The following HPSE2 variants were observed in gnomAD, a reference collection of about 807,000 sequenced individuals.
HPSE2 encodes inactive heparanase-2.
HPSE2 carries 38 observed loss-of-function variants against 60.5 expected under a neutral mutation model. The ratio of observed to expected loss-of-function variants is 0.63; its 90% confidence interval spans 0.48 to 0.82. The LOEUF is 0.82. HPSE2 is among the 40% of genes least tolerant of loss of function. The pLI is 0.00. For missense variants in HPSE2, 713 were observed against 740.4 expected (o/e 0.96, Z 0.43); for synonymous variants, 295 against 293.2 (o/e 1.01, Z -0.06).
At chr10:98,698,785 G>C (rs1179927621) in intron 5 of HPSE2, among the ~76,000 whole-genome samples, 2 of 152,246 alleles carry the variant, frequency 1.3e-5, no homozygotes, top group South Asian at 4.1e-4. Context: ...TCAAATAGAT[G>C]CAATAAAAAA....
At chr10:98,520,432 T>C (rs1021635697) in intron 9 of HPSE2, among the ~76,000 whole-genome samples, 2 of 152,006 alleles carry the variant, frequency 1.3e-5, no homozygotes, top group Admixed American at 1.3e-4. Flanking sequence ...CAAGAAATGG[T>C]CCCAAGTAAC....
intron 6 of HPSE2, among the ~76,000 whole-genome samples, chr10:98,689,166 T>TA (rs962589609): frequency 1.5e-4 from 23 of 151,164 alleles, no homozygotes; most frequent in Non-Finnish European, 2.7e-4. Flanking sequence ...AGCTTTGATT[T>TA]AAAAAAAAAA....
intron 6 of HPSE2, among the ~76,000 whole-genome samples, chr10:98,652,400 A>C (rs528556): frequency 1.3e-5 from 2 of 152,010 alleles, no homozygotes; most frequent in Admixed American, 1.3e-4. Flanking sequence ...TTCAACAACC[A>C]GTCCCACATA....
In HPSE2 at chr10:98,579,833, T is replaced by G. The variant is rs141708529; in HGVS notation, c.1320+35071A>C. Among the ~76,000 whole-genome samples the G allele has an allele frequency of 5.4e-3, 816 of 152,290 alleles. 7 individuals carry two copies. Among genetic ancestry groups the G allele is most frequent in the African/African-American group, 0.019 (773 of 41,550 alleles). On this transcript the variant is annotated intron_variant, in intron 9 of 11. Coordinates refer to ENST00000370552, the MANE Select transcript of HPSE2 (RefSeq NM_021828.5). Reference sequence around the variant, plus strand: ...TTCTTGAACTCCCATGCCTTTATCATGTTCTCAGTTTTTCCCCAAATCTCT... The same window carrying G: ...TTCTTGAACTCCCATGCCTTTATCAGGTTCTCAGTTTTTCCCCAAATCTCT...
chr10:98,522,768 G>A (rs1312726092), intron 9 of HPSE2, among the ~76,000 whole-genome samples: 1 of 152,204 alleles, frequency 6.6e-6, no homozygotes, highest in Non-Finnish European at 1.5e-5. Context: ...GTGAGCCACC[G>A]TGTCCCGCCT....
chr10:99,248,112 C>A, the HPSE2 span, among the ~76,000 whole-genome samples: 1 of 152,130 alleles, frequency 6.6e-6, no homozygotes, highest in African/African-American at 2.4e-5. Flanking sequence ...ATAAAGATAT[C>A]TGAAAATGTG....
intron 6 of HPSE2, among the ~76,000 whole-genome samples, chr10:98,668,099 C>G (rs1024230256): frequency 6.6e-6 from 1 of 152,036 alleles, no homozygotes; most frequent in Non-Finnish European, 1.5e-5. Context: ...ATACAGAAAT[C>G]GGTGGCATTT....
chr10:99,055,031 T>C (rs1958079726), intron 3 of HPSE2, among the ~76,000 whole-genome samples: 2 of 152,198 alleles, frequency 1.3e-5, no homozygotes. Flanking sequence ...ATATTTTTAA[T>C]TGTAATGTCG....
chr10:98,541,647 C>T lies in HPSE2; in HGVS notation c.1321-51451G>A, dbSNP rs750378678. 5.9e-4 allele frequency among the ~76,000 whole-genome samples: 88 copies of T among 148,402 alleles called. 1 individual carries two copies. Among genetic ancestry groups the T allele is most frequent in the Non-Finnish European group, 1.1e-3 (75 of 66,760 alleles). On this transcript the variant is annotated intron_variant, in intron 9 of 11. Transcript: ENST00000370552. ...GCGCTTTTCTGATGGGCTTAGGAAACGGCACACCAGGAGATTACATCCCAC... is the reference window on the plus strand; with the variant it reads ...GCGCTTTTCTGATGGGCTTAGGAAATGGCACACCAGGAGATTACATCCCAC...
At chr10:98,585,565 C>T (rs573909402) in intron 9 of HPSE2, among the ~76,000 whole-genome samples, 153 of 151,894 alleles carry the variant, frequency 1.0e-3, no homozygotes, top group African/African-American at 2.8e-3. Flanking sequence ...CCACCAAGCC[C>T]GGCCTACAGT....
chr10:98,883,687 C>G (rs1020410133), intron 3 of HPSE2, among the ~76,000 whole-genome samples: 1 of 151,990 alleles, frequency 6.6e-6, no homozygotes, highest in Non-Finnish European at 1.5e-5. Flanking sequence ...GCTTGTAGTG[C>G]CAGCTAGTCG....
chr10:98,963,410 C>T (rs573443641), intron 3 of HPSE2, among the ~76,000 whole-genome samples: 1 of 152,164 alleles, frequency 6.6e-6, no homozygotes, highest in East Asian at 1.9e-4. Flanking sequence ...GTCTCAGTGC[C>T]ACACTAGTAT....
intron 9 of HPSE2, among the ~76,000 whole-genome samples, chr10:98,571,693 T>C (rs1944497975): frequency 6.6e-6 from 1 of 152,164 alleles, no homozygotes; most frequent in African/African-American, 2.4e-5. Flanking sequence ...ATGTATTTCA[T>C]GAGATTAAGA....
intron 11 of HPSE2, among the ~76,000 whole-genome samples, chr10:98,474,335 G>A (rs528323970): frequency 1.5e-4 from 23 of 152,250 alleles, no homozygotes; most frequent in Middle Eastern, 6.8e-3. Flanking sequence ...AGATTGTGGC[G>A]GGTCAGGTGG....
chr10:98,933,776 G>A (rs10748759), intron 3 of HPSE2, among the ~76,000 whole-genome samples: 83,826 of 137,862 alleles, frequency 0.61, 29,305 homozygotes, highest in Non-Finnish European at 0.68. Context: ...CTTTTGCCCA[G>A]GCTGGAGTGC....
intron 9 of HPSE2, among the ~76,000 whole-genome samples, chr10:98,511,590 GTGTGTGTT>G (rs1400567335): frequency 7.5e-5 from 11 of 147,306 alleles, no homozygotes; most frequent in Admixed American, 6.1e-4. Flanking sequence ...GTGTGTGTGT[GTGTGTGTT>G]TGTGTGTGTG....
rs369597860 is a variant in HPSE2, at chr10:98,941,509, G to A, written c.611-197453C>T. 3.8e-4 allele frequency among the ~76,000 whole-genome samples: 54 copies of A among 142,710 alleles called. 8 individuals carry two copies. The highest frequency in any genetic ancestry group is 4.0e-4 in the African/African-American group (14 of 34,732). 93.6% of individuals were successfully genotyped at this position (142,710 alleles called of 152,430 possible). On this transcript the variant is annotated intron_variant, in intron 3 of 11. Coordinates refer to ENST00000370552, the MANE Select transcript of HPSE2 (RefSeq NM_021828.5). ...TTCAAAGAGAATAAAATACCTAGGA[G>A]TCCAACCTACAAGGGTTGTGAAGGA...
intron 3 of HPSE2, among the ~76,000 whole-genome samples, chr10:98,984,968 C>A (rs890213552): frequency 1.3e-5 from 2 of 152,112 alleles, no homozygotes; most frequent in East Asian, 3.9e-4. Context: ...ACAGACAAAG[C>A]CTCCAAGAAA....
intron 6 of HPSE2, among the ~76,000 whole-genome samples, chr10:98,663,091 G>A (rs1443132029): frequency 1.3e-5 from 2 of 152,130 alleles, no homozygotes; most frequent in African/African-American, 4.8e-5. Flanking sequence ...AGGGGTATGA[G>A]GGTTAGCCAT....
Sources: allele counts gnomAD v4.1 joint callset (sites outside exome capture counted in the v4.1 genomes callset), GRCh38; gene constraint gnomAD v4.1.1; transcripts MANE v1.5; gene names NCBI Gene and HGNC (gene_info 2026-07-23, HGNC 2026-07-21).